The following GON4L variants were observed in gnomAD, a reference collection of about 807,000 sequenced individuals.
The protein encoded by GON4L is GON-4-like protein.
In GON4L, 87 loss-of-function variants were observed where a neutral mutation model predicts 211.8. The ratio of observed to expected loss-of-function variants is 0.41; its 90% confidence interval spans 0.35 to 0.49. GON4L has a LOEUF of 0.49. GON4L is among the 20% of genes least tolerant of loss of function. GON4L has a pLI of 0.15. For missense variants in GON4L, 2,155 were observed against 2,659.5 expected, an observed-to-expected ratio of 0.81 and a Z score of 4.17; for synonymous variants, 875 against 962.6, an observed-to-expected ratio of 0.91 and a Z score of 1.68.
chr1:155,791,306 T>A (rs1042909681), intron 12 of GON4L, among the ~76,000 whole-genome samples: 1 of 151,970 alleles, frequency 6.6e-6, no homozygotes, highest in Admixed American at 6.6e-5. Flanking sequence ...GCTGTATAAT[T>A]TTTCAATTTT....
intron 2 of GON4L, among the ~76,000 whole-genome samples, chr1:155,843,270 T>C (rs575991167): frequency 3.9e-5 from 6 of 152,120 alleles, no homozygotes; most frequent in South Asian, 4.1e-4. Context: ...TCTAGAATTA[T>C]AGCATCAGGA....
intron 3 of GON4L, among the ~76,000 whole-genome samples, chr1:155,824,753 ACT>A (rs1420521143): frequency 7.3e-6 from 1 of 136,410 alleles, no homozygotes; most frequent in Non-Finnish European, 1.6e-5. Context: ...CAAAACAAAG[ACT>A]CTGTCGCAAA....
At chr1:155,748,076 C>G, downstream of GON4L, 1 of 1,608,638 alleles carries the variant, frequency 6.2e-7, no homozygotes. Flanking sequence ...TGGGTGGGAG[C>G]CTGGGCCTGC....
chr1:155,777,880 ATTCG>A, intron 14 of GON4L, 60 bp from the exon 15 acceptor site: 1 of 970,590 alleles, frequency 1.0e-6, no homozygotes, highest in Non-Finnish European at 1.7e-6. Flanking sequence ...AACACATCCA[ATTCG>A]TTCCAATGAT....
intron 24 of GON4L, 108 bp from the exon 25 acceptor site, chr1:155,758,142 C>A (rs1661387119): frequency 1.4e-5 from 2 of 146,484 alleles, no homozygotes; most frequent in Admixed American, 6.6e-5. Flanking sequence ...GATGACAGAA[C>A]CCTGGTTTAA....
intron 14 of GON4L, among the ~76,000 whole-genome samples, chr1:155,782,745 C>T (rs766844421): frequency 3.3e-5 from 5 of 152,042 alleles, no homozygotes; most frequent in East Asian, 1.9e-4. Context: ...CTGCAACCTC[C>T]GCTTTCCGGG....
rs745903360 is a variant in GON4L, at chr1:155,853,791, C to T, written c.-11G>A. 2.2e-5 allele frequency: 36 copies of T among 1,610,218 alleles called. No individual in the cohort carries two copies. The highest frequency in any genetic ancestry group is 2.9e-5 in the Non-Finnish European group (34 of 1,176,728). Reference sequence around the variant, plus strand: ...CTTACAGGGCAACATTTTAAAAGTCCCACTTTTGTTCCATTCTGAAAGAAT... The same window carrying T: ...CTTACAGGGCAACATTTTAAAAGTCTCACTTTTGTTCCATTCTGAAAGAAT... On this transcript the variant is annotated 5_prime_UTR_variant, in exon 2 of 32. An upstream open reading frame in the 5' UTR gains an earlier in-frame stop. Transcript: ENST00000368331.
In GON4L at chr1:155,791,728, CG is replaced by C. The variant is rs1419747133; in HGVS notation, c.1747+3321del. Reference sequence around the variant, plus strand: ...ACTAAAAATACAAAAATTAGCTGGGCGTGGTGGCGGGCACCTGTAATCCCAG... The same window carrying C: ...ACTAAAAATACAAAAATTAGCTGGGCTGGTGGCGGGCACCTGTAATCCCAG... On this transcript the variant is annotated intron_variant, in intron 12 of 31. Coordinates refer to ENST00000368331, the MANE Select transcript of GON4L (RefSeq NM_001282860.2). 1.5e-4 allele frequency among the ~76,000 whole-genome samples: 23 copies of C among 151,834 alleles called. 1 individual carries two copies. The South Asian group carries it at 4.8e-3, about 32-fold the overall frequency.
At chr1:155,855,697 T>C (rs1035969945) in intron 1 of GON4L, among the ~76,000 whole-genome samples, 1 of 152,090 alleles carries the variant, frequency 6.6e-6, no homozygotes, top group Admixed American at 6.6e-5. Context: ...TAAAAACTGA[T>C]AGTGGCTTGG....
At chr1:155,769,548 G>A (rs1300608608) in intron 19 of GON4L, among the ~76,000 whole-genome samples, 1 of 152,104 alleles carries the variant, frequency 6.6e-6, no homozygotes, top group Non-Finnish European at 1.5e-5. Context: ...GGAATATCTA[G>A]AAGGCCAGAC....
intron 1 of GON4L, among the ~76,000 whole-genome samples, chr1:155,856,738 A>C (rs1248731254): frequency 1.3e-5 from 2 of 152,078 alleles, no homozygotes; most frequent in Admixed American, 1.3e-4. Context: ...TTCACAGATA[A>C]TTACTGAGAT....
chr1:155,747,777 T>C, downstream of GON4L: 1 of 1,613,876 alleles, frequency 6.2e-7, no homozygotes, highest in Non-Finnish European at 8.5e-7. Flanking sequence ...CCAGATCCTG[T>C]GTGACCTGCA....
At position 155,765,932 on chromosome 1, in the gene GON4L, T is replaced by C. The variant is rs677220; in HGVS notation, c.3541A>G (p.Thr1181Ala). ...GAAGTAGGGTTAACCAAGAGGGTAG[T>C]GATGGGAATAGTCTGGGGACTCTGG... ...VAQSPQTIPI[T>A]TLLVNPTSFP... Residue 1181 changes from threonine (T) to alanine (A), a missense_variant, in exon 21 of 32, where the codon ACT becomes GCT. By Grantham distance (58) the Thr-to-Ala change is moderately conservative. This residue lies in a region of GON4L where 615 missense variants were observed against 625.7 expected (regional missense o/e 0.98). Transcript: ENST00000368331. The C allele has an allele frequency of 1.5e-5, 25 of 1,614,050 alleles. No individual in the cohort carries two copies. The highest frequency in any genetic ancestry group is 5.5e-5 in the South Asian group (5 of 91,072).
At position 155,805,140 on chromosome 1, in the gene GON4L, G is replaced by A; in HGVS notation, c.1454C>T (p.Pro485Leu). The change falls in exon 11 of 32, where the codon CCC (proline) becomes CTC (leucine). Residue 485 changes from proline to leucine, a missense_variant and splice_region_variant. Around this residue, in one of 6 missense-constraint regions of GON4L, gnomAD observed 551 missense variants for 854.0 expected, o/e 0.65. Transcript: ENST00000368331. ...AAATGCAATGAGACTGTCATCCATG[G>A]GCTGGACAATGGAGAAAGAAAAGTC... is the stretch of plus-strand genomic sequence containing the variant. ...SSPVCMDSFQ[P>L]MDDSLIAFRT... The A allele has an allele frequency of 6.2e-7, 1 of 1,610,260 alleles. No individual in the cohort carries two copies. Among genetic ancestry groups the A allele is most frequent in the Non-Finnish European group, 8.5e-7 (1 of 1,176,540 alleles).
rs1242091093 is a variant in GON4L at position 155,772,958 on chromosome 1, G to A, written c.2495+108C>T. The A allele has an allele frequency of 2.9e-5, 41 of 1,420,776 alleles. 1 individual carries two copies. The highest frequency in any genetic ancestry group is 4.0e-5 in the Non-Finnish European group (40 of 1,008,094). 88.0% of individuals were successfully genotyped at this position (1,420,776 alleles called of 1,614,324 possible). On this transcript the variant is annotated intron_variant, in intron 18 of 31. Coordinates refer to ENST00000368331, the MANE Select transcript of GON4L (RefSeq NM_001282860.2). ...TATATTGCTTTTCCTTTTGTCTTTT[G>A]TGTCCGTGTCTTATTATACAAGTCT...
chr1:155,821,819 C>T (rs980443996), intron 4 of GON4L, among the ~76,000 whole-genome samples: 1 of 152,182 alleles, frequency 6.6e-6, no homozygotes, highest in South Asian at 2.1e-4. Context: ...AAAGGAGATC[C>T]TGAGGTAAGT....
Position 155,754,500 on chromosome 1 carries a change from T to C in GON4L, c.5518-12A>G. On this transcript the variant is annotated splice_polypyrimidine_tract_variant and intron_variant, in intron 27 of 31. Coordinates refer to ENST00000368331, the MANE Select transcript of GON4L (RefSeq NM_001282860.2). The stretch of plus-strand genomic sequence containing the variant: ...GGCCATTCAGTCTCCTAGGAGATAC[T>C]TGGGCTTGATTAGCTGCCAAGTTGT... The C allele has an allele frequency of 7.5e-7, 1 of 1,334,206 alleles. No homozygotes were observed. Among genetic ancestry groups the C allele is most frequent in the Non-Finnish European group, 1.1e-6 (1 of 945,058 alleles). The allele number at this position is 1,334,206 out of a possible 1,614,324, so 82.6% of individuals were successfully genotyped here.
chr1:155,760,217 T>A (rs546701011), intron 24 of GON4L, among the ~76,000 whole-genome samples: 30 of 152,112 alleles, frequency 2.0e-4, no homozygotes, highest in African/African-American at 7.0e-4. Context: ...AGGTGTCCTT[T>A]GGCAACTATA....
rs2101815138 is a variant in GON4L at position 155,773,059 on chromosome 1, CACTT to C, written c.2495+3_2495+6del. 6.2e-7 allele frequency: 1 copy of C among 1,611,904 alleles called. No individual in the cohort carries two copies. Among genetic ancestry groups the C allele is most frequent in the East Asian group, 2.2e-5 (1 of 44,866 alleles). On this transcript the variant is annotated splice_donor_5th_base_variant and intron_variant, in intron 18 of 31. Coordinates refer to ENST00000368331, the MANE Select transcript of GON4L (RefSeq NM_001282860.2). ...TGCTGTTTTGATCCCCCAGAGTAAACACTTACTTGTCCTCAGCCTTGGTGAAGAC... is the reference window on the plus strand; with the variant it reads ...TGCTGTTTTGATCCCCCAGAGTAAACACTTGTCCTCAGCCTTGGTGAAGAC...
Sources: gnomAD v4.1 joint callset for allele counts (sites outside exome capture counted in the v4.1 genomes callset) on GRCh38, gnomAD v4.1.1 for gene constraint, gnomAD v4.1.1 regional missense constraint, MANE v1.5 for transcripts, NCBI Gene and HGNC (gene_info 2026-07-23, HGNC 2026-07-21) for gene names.